Variants in AHNAK2 observed in about 807,000 individuals in gnomAD.
AHNAK2 encodes the protein protein AHNAK2.
A neutral mutation model predicts 30.7 loss-of-function variants in AHNAK2; 18 were observed. The ratio of observed to expected loss-of-function variants is 0.59; its 90% CI spans 0.41 to 0.87. The LOEUF (loss-of-function observed/expected upper bound fraction) is 0.87, where lower values mean the gene tolerates loss of function less well. AHNAK2 is among the 40% of genes least tolerant of loss of function. The probability of loss-of-function intolerance (pLI) is 0.00; values close to 1 mark genes in which losing one functional copy is unlikely to be tolerated. For missense variants in AHNAK2, 8,604 were observed against 7,373.0 expected (o/e 1.17, Z -6.11); for synonymous variants, 3,590 against 3,073.8 (o/e 1.17, Z -5.56).
At chr14:104,971,361 C>T (rs901803703) in intron 1 of AHNAK2, among the ~76,000 whole-genome samples, 7 of 152,136 alleles carry the variant, frequency 4.6e-5, no homozygotes, top group South Asian at 2.1e-4. Flanking sequence ...GTGATCCTCC[C>T]GCCTTGGCCT....
chr14:104,941,895 T>C lies in AHNAK2; in HGVS notation c.13556A>G (p.Asp4519Gly). 2 of 1,613,460 alleles carry C rather than the reference T, an allele frequency of 1.2e-6. No homozygotes were observed. The highest frequency in any genetic ancestry group is 1.7e-6 in the Non-Finnish European group (2 of 1,179,664). ...TDLRIQAPSA[D>G]LEVQAGQVDL... ...CACCTGGCCAGCCTGGACCTCCAGG[T>C]CGGCGGAAGGGGCCTGAATGCGGAG... The change falls in exon 7 of 7, where the codon GAC (aspartate) becomes GGC (glycine). Residue 4519 changes from aspartate (D) to glycine (G), a missense_variant. Physicochemically the swap from Asp to Gly is moderately conservative, Grantham distance 94 (BLOSUM62 -1). Coordinates refer to ENST00000333244, the MANE Select transcript of AHNAK2 (RefSeq NM_138420.4).
intron 5 of AHNAK2, 51 bp downstream of exon 5, chr14:104,955,432 C>T: frequency 6.4e-7 from 1 of 1,571,688 alleles, no homozygotes; most frequent in Non-Finnish European, 8.6e-7. Flanking sequence ...CCAGGTCCCT[C>T]CCATCCTGGT....
rs370026810 is a variant in AHNAK2 at position 104,950,270 on chromosome 14, C to T, written c.5181G>A (p.Pro1727=). 138 of 1,585,114 alleles carry T rather than the reference C, an allele frequency of 8.7e-5. 11 individuals carry two copies. The highest frequency in any genetic ancestry group is 2.3e-4 in the South Asian group (21 of 89,726). Residue 1727 remains proline (P), a synonymous_variant, in exon 7 of 7, where the codon CCG becomes CCA. Transcript: ENST00000333244. ...VQAGQVNVKL[P]EGPLPEGAGF... is the part of the protein sequence containing the mutation. ...CGGCTCCCTCGGGAAGGGGGCCCTC[C>T]GGGAGTTTCACGTTCACTTGGCCAG...
At position 104,937,803 on chromosome 14, in the gene AHNAK2, C is replaced by G; in HGVS notation, c.*260G>C. 4.4e-6 allele frequency: 2 copies of G among 456,952 alleles called. No individual in the cohort carries two copies. Among genetic ancestry groups the G allele is most frequent in the East Asian group, 6.9e-5 (2 of 29,192 alleles). The allele number at this position is 456,952 out of a possible 1,614,324, so 28.3% of individuals were successfully genotyped here. A position where few individuals can be genotyped will look rare whatever the true frequency, so the allele number is the denominator to read the frequency against. On this transcript the variant is annotated 3_prime_UTR_variant, in exon 7 of 7. Transcript: ENST00000333244. ...CTTCCCCAGCAGTGCCTCTGAGTAC[C>G]GTGTGAATTCTGGTGTCTTGTGGAA... is the stretch of plus-strand genomic sequence containing the variant.
In AHNAK2 at chr14:104,950,129, C is replaced by T. The variant is rs1898593137; in HGVS notation, c.5322G>A (p.Lys1774=). ...CCACGTCGGGGGCCATCACCTCCGC[C>T]TTGGGGCCTTTCAGGTCCAGCTTGG... ...KGPKLDLKGP[K]AEVMAPDVEV... is the part of the protein sequence containing the mutation. Residue 1774 remains lysine (K), a synonymous_variant, in exon 7 of 7, where the codon AAG becomes AAA. Transcript: ENST00000333244. 2.5e-6 allele frequency: 4 copies of T among 1,587,018 alleles called. 1 individual carries two copies. Among genetic ancestry groups the T allele is most frequent in the Non-Finnish European group, 3.4e-6 (4 of 1,163,152 alleles).
chr14:104,951,909 G>T lies in AHNAK2; in HGVS notation c.3542C>A (p.Ser1181Tyr). 1 of 1,610,058 alleles carries T rather than the reference G, an allele frequency of 6.2e-7. No homozygotes were observed. The highest frequency in any genetic ancestry group is 8.5e-7 in the Non-Finnish European group (1 of 1,178,540). The change falls in exon 7 of 7, where the codon TCC (serine) becomes TAC (tyrosine). Residue 1181 changes from serine to tyrosine, a missense_variant. By Grantham distance (144) the Ser-to-Tyr change is moderately radical. Transcript: ENST00000333244. ...PSFGASAPGKSIEASVDVSAP... is the reference protein window; with the variant it reads ...PSFGASAPGKYIEASVDVSAP... Reference sequence around the variant, plus strand: ...AGACACATCCACCGAGGCCTCGATGGACTTGCCTGGGGCTGACGCCCCGAA... The same window carrying T: ...AGACACATCCACCGAGGCCTCGATGTACTTGCCTGGGGCTGACGCCCCGAA...
rs200452884 is a variant in AHNAK2, at chr14:104,949,228, C to G, written c.6223G>C (p.Glu2075Gln). The change falls in exon 7 of 7, where the codon GAG becomes CAG. Residue 2075 changes from glutamate to glutamine, a missense_variant. By Grantham distance (29) the Glu-to-Gln change is conservative (BLOSUM62 2). Transcript: ENST00000333244. Reference protein sequence around the residue: ...AGLKGHLPKVEMPSLKMPKVD... With the variant: ...AGLKGHLPKVQMPSLKMPKVD... ...TTGGGCATCTTCAAACTGGGCATCT[C>G]CACCTTGGGCAGGTGCCCTTTGAGG... 5.6e-4 allele frequency: 595 copies of G among 1,066,432 alleles called. 11 individuals carry two copies. In the African/African-American group the frequency reaches 6.8e-3, roughly 12 times the overall value. The allele number at this position is 1,066,432 out of a possible 1,614,324, so 66.1% of individuals were successfully genotyped here. A position where few individuals can be genotyped will look rare whatever the true frequency, so the allele number is the denominator to read the frequency against.
At position 104,947,351 on chromosome 14, in the gene AHNAK2, G is replaced by A. The variant is rs1898342264; in HGVS notation, c.8100C>T (p.Pro2700=). 4.3e-6 allele frequency: 7 copies of A among 1,612,476 alleles called. No individual in the cohort carries two copies. The highest frequency in any genetic ancestry group is 4.2e-6 in the Non-Finnish European group (5 of 1,179,560). ...CCTGGACCTCCAGTTGGGCAGAGGG[G>A]GGCTGAATGCTGATGTCAGTGGTCT... ...DLKTTDISIQ[P]PSAQLEVQAG... Residue 2700 remains proline (P), a synonymous_variant, in exon 7 of 7, where the codon CCC becomes CCT. Transcript: ENST00000333244.
intron 1 of AHNAK2, among the ~76,000 whole-genome samples, chr14:104,974,808 G>C (rs896995786): frequency 2.0e-5 from 3 of 152,206 alleles, no homozygotes; most frequent in Admixed American, 6.5e-5. Flanking sequence ...GACCAAGCTG[G>C]GAGAGTGTGG....
In AHNAK2 at chr14:104,944,509, A is replaced by C; in HGVS notation, c.10942T>G (p.Phe3648Val). ...FKMPKFKMPS[F>V]RVSAPGKSME... ...GACTTCCCTGGGGCCGATACCCTGAATGACGGCATCTTGAATTTGGGCATT... is the reference window on the plus strand; with the variant it reads ...GACTTCCCTGGGGCCGATACCCTGACTGACGGCATCTTGAATTTGGGCATT... Residue 3648 changes from phenylalanine to valine, a missense_variant, in exon 7 of 7, where the codon TTC becomes GTC. Physicochemically the swap from Phe to Val is conservative, Grantham distance 50 (BLOSUM62 -1). Coordinates refer to ENST00000333244, the MANE Select transcript of AHNAK2 (RefSeq NM_138420.4). 6.2e-7 allele frequency: 1 copy of C among 1,612,428 alleles called. No individual in the cohort carries two copies. The highest frequency in any genetic ancestry group is 8.5e-7 in the Non-Finnish European group (1 of 1,179,426).
Position 104,938,687 on chromosome 14 carries a change from T to A in AHNAK2, c.16764A>T (p.Thr5588=). ...SSSVNVLGQQ[T]LTFEVPSGHQ... ...GGCCAGAAGGAACTTCAAATGTGAG[T>A]GTTTGCTGTCCCAGTACATTGACGC... is the stretch of plus-strand genomic sequence containing the variant. Residue 5588 remains threonine (T), a synonymous_variant, in exon 7 of 7, where the codon ACA becomes ACT. Transcript: ENST00000333244. 6.2e-7 allele frequency: 1 copy of A among 1,612,942 alleles called. No homozygotes were observed.
In AHNAK2 at chr14:104,950,278, T is replaced by C. The variant is rs774469105; in HGVS notation, c.5173A>G (p.Lys1725Glu). Residue 1725 changes from lysine to glutamate, a missense_variant, in exon 7 of 7, where the codon AAA becomes GAA. Coordinates refer to ENST00000333244, the MANE Select transcript of AHNAK2 (RefSeq NM_138420.4). ...LEVQAGQVNVKLPEGPLPEGA... is the reference protein window; with the variant it reads ...LEVQAGQVNVELPEGPLPEGA... ...TCGGGAAGGGGGCCCTCCGGGAGTTTCACGTTCACTTGGCCAGCCTGGACC... is the reference window on the plus strand; with the variant it reads ...TCGGGAAGGGGGCCCTCCGGGAGTTCCACGTTCACTTGGCCAGCCTGGACC... The C allele has an allele frequency of 3.2e-6, 5 of 1,585,096 alleles. No homozygotes were observed. The highest frequency in any genetic ancestry group is 1.1e-5 in the South Asian group (1 of 89,752).
chr14:104,945,486 G>A lies in AHNAK2; in HGVS notation c.9965C>T (p.Ala3322Val). Residue 3322 changes from alanine (A) to valine (V), a missense_variant, in exon 7 of 7, where the codon GCC becomes GTC. Physicochemically the swap from Ala to Val is moderately conservative, Grantham distance 64 (BLOSUM62 0). Transcript: ENST00000333244. Reference sequence around the variant, plus strand: ...CGAGGCCTGGATGGACTTGCCTGGGGCAGACGCCCTGTACGACGGCATCTT... The same window carrying A: ...CGAGGCCTGGATGGACTTGCCTGGGACAGACGCCCTGTACGACGGCATCTT... ...KFKMPSYRASAPGKSIQASVD... is the reference protein window; with the variant it reads ...KFKMPSYRASVPGKSIQASVD... 6.2e-7 allele frequency: 1 copy of A among 1,613,316 alleles called. No homozygotes were observed. The highest frequency in any genetic ancestry group is 8.5e-7 in the Non-Finnish European group (1 of 1,179,704).
At position 104,944,666 on chromosome 14, in the gene AHNAK2, G is replaced by C. The variant is rs764796402; in HGVS notation, c.10785C>G (p.Pro3595=). 2 of 1,609,692 alleles carry C rather than the reference G, an allele frequency of 1.2e-6. No individual in the cohort carries two copies. Among genetic ancestry groups the C allele is most frequent in the Non-Finnish European group, 1.7e-6 (2 of 1,178,184 alleles). The change falls in exon 7 of 7, where the codon CCC becomes CCG. Residue 3595 remains proline (P), a synonymous_variant. Coordinates refer to ENST00000333244, the MANE Select transcript of AHNAK2 (RefSeq NM_138420.4). ...LKGPKAEVRV[P]DVEVSLPSVE... Reference sequence around the variant, plus strand: ...CGCTGGGCAGAGACACCTCGACATCGGGGACTCTCACTTCTGCCTTGGGGC... The same window carrying C: ...CGCTGGGCAGAGACACCTCGACATCCGGGACTCTCACTTCTGCCTTGGGGC...
intron 1 of AHNAK2, among the ~76,000 whole-genome samples, chr14:104,964,132 T>C (rs1294292046): frequency 6.6e-6 from 1 of 152,088 alleles, no homozygotes; most frequent in Non-Finnish European, 1.5e-5. Context: ...GCACAAAGAA[T>C]TCTTGCAAAC....
chr14:104,941,717 T>C lies in AHNAK2; in HGVS notation c.13734A>G (p.Pro4578=), dbSNP rs761713531. Residue 4578 remains proline, a synonymous_variant, in exon 7 of 7, where the codon CCA becomes CCG. Coordinates refer to ENST00000333244, the MANE Select transcript of AHNAK2 (RefSeq NM_138420.4). ...VKGPKLDLKG[P]KAEVMAPDVE... ...CATCGGGGGCCATCACCTCTGCCTT[T>C]GGGCCTTTCAGGTCCAGCTTGGGGC... 6.2e-7 allele frequency: 1 copy of C among 1,613,234 alleles called. No individual in the cohort carries two copies. Among genetic ancestry groups the C allele is most frequent in the Non-Finnish European group, 8.5e-7 (1 of 1,179,756 alleles).
rs778363758 is a variant in AHNAK2, at chr14:104,952,710, A to T, written c.2741T>A (p.Val914Glu). 4.3e-6 allele frequency: 7 copies of T among 1,610,474 alleles called. No homozygotes were observed. Among genetic ancestry groups the T allele is most frequent in the Non-Finnish European group, 5.9e-6 (7 of 1,178,724 alleles). The stretch of plus-strand genomic sequence containing the variant: ...GGGCATCTCCACTTTGGGCAGGTGC[A>T]CTTTGGGGCCGGCTCCCTCGGGCAC... ...GPVPEGAGPK[V>E]HLPKVEMPSF... Residue 914 changes from valine to glutamate, a missense_variant, in exon 7 of 7, where the codon GTG becomes GAG. Val to Glu is a moderately radical substitution (Grantham distance 121). Coordinates refer to ENST00000333244, the MANE Select transcript of AHNAK2 (RefSeq NM_138420.4).
rs2582513 is a variant in AHNAK2, at chr14:104,948,453, A to G, written c.6998T>C (p.Leu2333Pro). Residue 2333 changes from leucine to proline, a missense_variant, in exon 7 of 7, where the codon CTT becomes CCT. Coordinates refer to ENST00000333244, the MANE Select transcript of AHNAK2 (RefSeq NM_138420.4). ...FKMLSFGVSA[L>P]GKSIEASADV... ...CGCTGAGGCCTCGATGGACTTGCCA[A>G]GGGCAGACACCCCAAACGACAGCAT... The G allele has an allele frequency of 0.55, 880,233 of 1,610,840 alleles. 244,708 individuals carry two copies. Among genetic ancestry groups the G allele is most frequent in the Middle Eastern group, 0.68 (4,095 of 6,050 alleles).
chr14:104,943,446 A>C lies in AHNAK2; in HGVS notation c.12005T>G (p.Val4002Gly), dbSNP rs758554719. ...DVTAPKVEAD[V>G]SLPSMQGDLK... ...GTCCCCCTGCATGGAAGGGAGGCTC[A>C]CGTCGGCCTCCACCTTTGGCGCGGT... The change falls in exon 7 of 7, where the codon GTG (valine) becomes GGG (glycine). Residue 4002 changes from valine (V) to glycine (G), a missense_variant. Coordinates refer to ENST00000333244, the MANE Select transcript of AHNAK2 (RefSeq NM_138420.4). 1 of 1,613,294 alleles carries C rather than the reference A, an allele frequency of 6.2e-7. No homozygotes were observed. Among genetic ancestry groups the C allele is most frequent in the Non-Finnish European group, 8.5e-7 (1 of 1,179,656 alleles).
Sources: gnomAD v4.1 joint callset for allele counts (sites outside exome capture counted in the v4.1 genomes callset) on GRCh38, gnomAD v4.1.1 for gene constraint, MANE v1.5 for transcripts, NCBI Gene and HGNC (gene_info 2026-07-23, HGNC 2026-07-21) for gene names.